Variants in THSD7B observed in about 807,000 individuals in gnomAD.
THSD7B encodes thrombospondin type-1 domain-containing protein 7B.
Under a neutral mutation model 213.6 loss-of-function variants are expected in THSD7B, and 138 were observed. That is an observed-to-expected ratio of 0.65 (90% CI 0.56 to 0.74). THSD7B has a LOEUF of 0.74. Among genes scored for constraint, THSD7B ranks in the 30% least tolerant of loss-of-function variants. The probability of loss-of-function intolerance (pLI) is 0.00; values close to 1 mark genes in which losing one functional copy is unlikely to be tolerated. For synonymous variants in THSD7B, 742 were observed against 687.0 expected, an observed-to-expected ratio of 1.08 and a Z score of -1.25; for missense variants, 1,931 against 1,991.5, an observed-to-expected ratio of 0.97 and a Z score of 0.58.
chr2:137,449,985 A>T (rs192891517), intron 14 of THSD7B, among the ~76,000 whole-genome samples: 11 of 152,262 alleles, frequency 7.2e-5, no homozygotes, highest in Admixed American at 2.0e-4. Context: ...CAGGAATCAG[A>T]TGATGTTGCA....
chr2:136,995,168 G>T (rs896937279), intron 2 of THSD7B, among the ~76,000 whole-genome samples: 1 of 152,208 alleles, frequency 6.6e-6, no homozygotes, highest in African/African-American at 2.4e-5. Flanking sequence ...CTATGGCTAA[G>T]AATGACTGTC....
chr2:136,904,631 C>T (rs1684125215), intron 2 of THSD7B, among the ~76,000 whole-genome samples: 1 of 152,186 alleles, frequency 6.6e-6, no homozygotes, highest in South Asian at 2.1e-4. Context: ...TGTCAGAACA[C>T]TCAGGGGTGG....
intron 2 of THSD7B, among the ~76,000 whole-genome samples, chr2:136,890,917 A>G (rs1447937060): frequency 2.0e-5 from 3 of 151,850 alleles, no homozygotes; most frequent in Non-Finnish European, 4.4e-5. Context: ...GAAACTCCTT[A>G]GACAAAGGTT....
chr2:137,613,259 G>T (rs1682320936), intron 17 of THSD7B, among the ~76,000 whole-genome samples: 1 of 152,112 alleles, frequency 6.6e-6, no homozygotes, highest in Admixed American at 6.6e-5. Context: ...TGCATGGTGA[G>T]GTTTAACATA....
intron 16 of THSD7B, among the ~76,000 whole-genome samples, chr2:137,567,903 G>C (rs1558842654): frequency 6.6e-6 from 1 of 152,098 alleles, no homozygotes; most frequent in Non-Finnish European, 1.5e-5. Context: ...AGTATTTATT[G>C]AGAAGAAATT....
At chr2:137,441,377 T>G (rs1318760606) in intron 14 of THSD7B, among the ~76,000 whole-genome samples, 1 of 152,106 alleles carries the variant, frequency 6.6e-6, no homozygotes. Context: ...CAAACAAAAA[T>G]TATTGTAGAG....
intron 1 of THSD7B, among the ~76,000 whole-genome samples, chr2:136,773,310 A>G (rs1681542011): frequency 6.6e-6 from 1 of 152,076 alleles, no homozygotes; most frequent in Admixed American, 6.6e-5. Flanking sequence ...TTTTTATTTT[A>G]CAAATATAGA....
At chr2:137,382,416 C>T (rs1685797528) in intron 12 of THSD7B, among the ~76,000 whole-genome samples, 1 of 152,200 alleles carries the variant, frequency 6.6e-6, no homozygotes, top group Admixed American at 6.5e-5. Flanking sequence ...GCAGGATGTG[C>T]ATGTGACAAC....
chr2:137,569,345 T>C (rs568714430), intron 16 of THSD7B, among the ~76,000 whole-genome samples: 4 of 152,346 alleles, frequency 2.6e-5, no homozygotes, highest in East Asian at 3.9e-4. Flanking sequence ...TTTTGCAGTA[T>C]GTAAACTTTT....
intron 10 of THSD7B, among the ~76,000 whole-genome samples, chr2:137,271,238 G>A (rs947644499): frequency 9.3e-5 from 14 of 150,588 alleles, no homozygotes; most frequent in Non-Finnish European, 1.8e-4. Context: ...TTTCCCATGT[G>A]CTCACACCCA....
chr2:137,454,194 A>T (rs1032492729), intron 15 of THSD7B, among the ~76,000 whole-genome samples: 1 of 152,182 alleles, frequency 6.6e-6, no homozygotes, highest in Admixed American at 6.5e-5. Flanking sequence ...ATAATTTTCC[A>T]TAATGGCTTT....
At chr2:137,216,949 T>G (rs2015616) in intron 7 of THSD7B, among the ~76,000 whole-genome samples, 90,738 of 151,918 alleles carry the variant, frequency 0.6, 27,513 homozygotes, top group South Asian at 0.71. Context: ...TAATGCGGAT[T>G]TAACTCTTTT....
At chr2:137,058,567 A>T (rs1485934949) in intron 3 of THSD7B, among the ~76,000 whole-genome samples, 1 of 152,100 alleles carries the variant, frequency 6.6e-6, no homozygotes, top group Non-Finnish European at 1.5e-5. Flanking sequence ...CCTATTATTA[A>T]CATCTTGCAT....
At chr2:137,430,847 G>T (rs1023674598) in intron 14 of THSD7B, among the ~76,000 whole-genome samples, 1 of 152,174 alleles carries the variant, frequency 6.6e-6, no homozygotes, top group African/African-American at 2.4e-5. Context: ...GACCAGAGGT[G>T]CGGAAACACA....
chr2:137,081,537 T>G (rs1227191911), intron 3 of THSD7B, among the ~76,000 whole-genome samples: 2 of 152,150 alleles, frequency 1.3e-5, no homozygotes, highest in Non-Finnish European at 2.9e-5. Flanking sequence ...CTGAGTTCAG[T>G]CAATTCATTT....
In THSD7B at chr2:137,233,286, G is replaced by A. The variant is rs191978502; in HGVS notation, c.2150+153G>A. On this transcript the variant is annotated intron_variant, in intron 9 of 27. Transcript: ENST00000409968. ...TTGACCATTAAAGATTAAAACATGT[G>A]CCTCAAACAAAGATAAACGTGTTTA... is the stretch of plus-strand genomic sequence containing the variant. Among the ~76,000 whole-genome samples, 522 of 152,286 alleles carry A rather than the reference G, an allele frequency of 3.4e-3. 4 individuals are homozygous for A. The highest frequency in any genetic ancestry group is 0.01 in the Middle Eastern group (3 of 294).
chr2:137,042,656 G>C (rs1025088824), intron 2 of THSD7B, among the ~76,000 whole-genome samples: 3 of 152,140 alleles, frequency 2.0e-5, no homozygotes, highest in African/African-American at 7.2e-5. Flanking sequence ...GTAATAATAT[G>C]TTATCTTCAG....
At chr2:137,576,456 C>G (rs1009420272) in intron 17 of THSD7B, among the ~76,000 whole-genome samples, 2 of 152,162 alleles carry the variant, frequency 1.3e-5, no homozygotes, top group East Asian at 3.9e-4. Flanking sequence ...CCCAAGGAAA[C>G]TTCATGATCA....
intron 2 of THSD7B, among the ~76,000 whole-genome samples, chr2:136,884,954 T>C (rs1410636816): frequency 6.6e-6 from 1 of 152,156 alleles, no homozygotes; most frequent in Non-Finnish European, 1.5e-5. Context: ...CTAGAAAAAT[T>C]CTAGTTTATA....
Sources: gnomAD v4.1 joint callset for allele counts (sites outside exome capture counted in the v4.1 genomes callset) on GRCh38, gnomAD v4.1.1 for gene constraint, MANE v1.5 for transcripts, NCBI Gene and HGNC (gene_info 2026-07-23, HGNC 2026-07-21) for gene names.